Variants in SIK3 observed in about 807,000 individuals in gnomAD.
SIK3 encodes serine/threonine-protein kinase SIK3.
A neutral mutation model predicts 144.2 loss-of-function variants in SIK3; 28 were observed. That is an observed-to-expected ratio of 0.19 (90% CI 0.14 to 0.27). The LOEUF is 0.27. Ranked by LOEUF, SIK3 falls within the 10% of genes least tolerant of loss-of-function variation. The pLI is 1.00. For synonymous variants in SIK3, 686 were observed against 676.3 expected, an observed-to-expected ratio of 1.01 and a Z score of -0.22; for missense variants, 1,319 against 1,776.0, an observed-to-expected ratio of 0.74 and a Z score of 4.62.
At chr11:117,091,525 C>A (rs576632238) in intron 1 of SIK3, among the ~76,000 whole-genome samples, 4 of 152,196 alleles carry the variant, frequency 2.6e-5, no homozygotes, top group Admixed American at 2.6e-4. Flanking sequence ...ATTATAAATT[C>A]TGTTAAGTCT....
intron 1 of SIK3, among the ~76,000 whole-genome samples, chr11:116,971,916 G>A (rs576757679): frequency 5.9e-5 from 9 of 152,050 alleles, no homozygotes; most frequent in South Asian, 2.1e-4. Flanking sequence ...GTGAAATCCC[G>A]TCTCTACTAA....
At chr11:117,000,275 C>T (rs188743239) in intron 1 of SIK3, among the ~76,000 whole-genome samples, 9 of 152,264 alleles carry the variant, frequency 5.9e-5, no homozygotes, top group Admixed American at 3.9e-4. Context: ...GATAACATCT[C>T]CATTACTTAT....
chr11:116,892,050 T>C (rs1436236845), intron 6 of SIK3, among the ~76,000 whole-genome samples: 2 of 152,166 alleles, frequency 1.3e-5, no homozygotes, highest in Admixed American at 6.5e-5. Flanking sequence ...TGAATATGTC[T>C]CCATTGATCT....
intron 1 of SIK3, among the ~76,000 whole-genome samples, chr11:117,043,610 T>C (rs1234925560): frequency 6.6e-6 from 1 of 152,210 alleles, no homozygotes; most frequent in African/African-American, 2.4e-5. Context: ...TGCCTCAACA[T>C]TGCGTGACTA....
At chr11:116,851,849 G>C (rs1189576401) in intron 21 of SIK3, among the ~76,000 whole-genome samples, 1 of 152,238 alleles carries the variant, frequency 6.6e-6, no homozygotes, top group African/African-American at 2.4e-5. Flanking sequence ...ACATGGTTGT[G>C]TGGGAGTGAG....
intron 1 of SIK3, among the ~76,000 whole-genome samples, chr11:117,087,188 C>G (rs1955053260): frequency 6.6e-6 from 1 of 151,936 alleles, no homozygotes; most frequent in Non-Finnish European, 1.5e-5. Flanking sequence ...GCCTGTAATA[C>G]CACCACTCTG....
At position 117,035,916 on chromosome 11, in the gene SIK3, C is replaced by T. The variant is rs1952479590; in HGVS notation, c.273+62227G>A. ...ACTACCGTTTGTGCATGGCTAAAGA[C>T]CGTGATGATTTTATAGCATCCTGGG... is the stretch of plus-strand genomic sequence containing the variant. On this transcript the variant is annotated intron_variant, in intron 1 of 24. Transcript: ENST00000445177. The T allele has an allele frequency of 2.5e-6, 4 of 1,595,936 alleles. No individual in the cohort carries two copies. The East Asian group carries it at 6.7e-5, about 27-fold the overall frequency.
intron 4 of SIK3, among the ~76,000 whole-genome samples, chr11:116,913,601 T>C (rs1273393508): frequency 1.3e-5 from 2 of 152,182 alleles, no homozygotes; most frequent in Middle Eastern, 3.2e-3. Context: ...CTACAACACA[T>C]GCAAACAGTA....
intron 4 of SIK3, among the ~76,000 whole-genome samples, chr11:116,901,293 AG>A (rs1945728151): frequency 6.6e-6 from 1 of 152,230 alleles, no homozygotes; most frequent in South Asian, 2.1e-4. Flanking sequence ...GACTCAAGAA[AG>A]GGTCACGAAA....
At chr11:116,862,806 G>C (rs961896776) in intron 16 of SIK3, among the ~76,000 whole-genome samples, 1 of 152,168 alleles carries the variant, frequency 6.6e-6, no homozygotes, top group Non-Finnish European at 1.5e-5. Flanking sequence ...GCGCAAGGTG[G>C]CTCACGCCTG....
At chr11:117,030,609 GT>G (rs1440712962) in intron 1 of SIK3, among the ~76,000 whole-genome samples, 1 of 152,052 alleles carries the variant, frequency 6.6e-6, no homozygotes, top group Non-Finnish European at 1.5e-5. Context: ...ATCACATGTG[GT>G]TTTTTTCTGC....
chr11:117,017,631 C>G (rs1951594477), intron 1 of SIK3, among the ~76,000 whole-genome samples: 1 of 152,082 alleles, frequency 6.6e-6, no homozygotes, highest in African/African-American at 2.4e-5. Flanking sequence ...AAGTCATTTA[C>G]TCCTGATTAG....
At chr11:116,903,053 G>T (rs530498533) in intron 4 of SIK3, among the ~76,000 whole-genome samples, 1 of 152,182 alleles carries the variant, frequency 6.6e-6, no homozygotes, top group East Asian at 1.9e-4. Context: ...TGTCTAATTT[G>T]CTGCCCATTC....
intron 4 of SIK3, among the ~76,000 whole-genome samples, chr11:116,910,330 C>T (rs984667934): frequency 6.6e-5 from 10 of 151,680 alleles, no homozygotes; most frequent in African/African-American, 2.4e-4. Flanking sequence ...GAAAAAAAAA[C>T]CTAGATAATA....
chr11:116,997,261 A>C (rs1471359718), intron 1 of SIK3, among the ~76,000 whole-genome samples: 2 of 152,224 alleles, frequency 1.3e-5, no homozygotes, highest in Non-Finnish European at 2.9e-5. Context: ...TGAGCAAAAC[A>C]CTAGCTATAT....
At chr11:116,951,339 G>C (rs966115402) in intron 3 of SIK3, among the ~76,000 whole-genome samples, 1 of 151,330 alleles carries the variant, frequency 6.6e-6, no homozygotes, top group Admixed American at 6.6e-5. Context: ...ATTTCTTTAG[G>C]TAATACACTA....
intron 3 of SIK3, among the ~76,000 whole-genome samples, chr11:116,950,512 T>C (rs1019847092): frequency 6.6e-6 from 1 of 152,212 alleles, no homozygotes; most frequent in African/African-American, 2.4e-5. Context: ...GGCACAATGA[T>C]GAAGTTCCCT....
chr11:116,876,440 A>C, intron 7 of SIK3, 77 bp from the exon 8 acceptor site: 1 of 1,166,446 alleles, frequency 8.6e-7, no homozygotes, highest in Non-Finnish European at 1.3e-6. Context: ...ATAATGACCA[A>C]CCTGTTCCAT....
intron 1 of SIK3, among the ~76,000 whole-genome samples, chr11:117,075,022 T>C (rs7927024): frequency 0.016 from 2,502 of 152,194 alleles, 31 homozygotes; most frequent in Non-Finnish European, 0.027. Flanking sequence ...TAACATTAGA[T>C]ACGAGAGTGA....
Sources: gnomAD v4.1 joint callset for allele counts (sites outside exome capture counted in the v4.1 genomes callset) on GRCh38, gnomAD v4.1.1 for gene constraint, MANE v1.5 for transcripts, NCBI Gene and HGNC (gene_info 2026-07-23, HGNC 2026-07-21) for gene names.